The following RALYL variants were observed in gnomAD, a reference collection of about 807,000 sequenced individuals.
RALYL encodes the protein RALY RNA binding protein like, also known as RNA-binding Raly-like protein.
In RALYL, 29 loss-of-function variants were observed where a neutral mutation model predicts 35.1. That is an observed-to-expected ratio of 0.83 (90% confidence interval 0.61 to 1.13). The LOEUF (loss-of-function observed/expected upper bound fraction) is 1.13. Among genes scored for constraint, RALYL ranks in the 50% most tolerant of loss-of-function variants. RALYL has a pLI of 0.00. For missense variants in RALYL, 359 were observed against 360.4 expected (o/e 1.00, Z 0.03); for synonymous variants, 120 against 127.6 (o/e 0.94, Z 0.40).
intron 1 of RALYL, among the ~76,000 whole-genome samples, chr8:84,194,179 T>G (rs1252967027): frequency 1.3e-5 from 2 of 152,110 alleles, no homozygotes; most frequent in Non-Finnish European, 2.9e-5. Context: ...TTTTGAGAAG[T>G]TAAGATATTG....
intron 1 of RALYL, among the ~76,000 whole-genome samples, chr8:84,412,086 T>C (rs1432024245): frequency 1.3e-5 from 2 of 151,988 alleles, no homozygotes; most frequent in Admixed American, 6.6e-5. Context: ...AAATTCATTA[T>C]TTCAGCAAAT....
chr8:84,742,896 A>G (rs1288326622), intron 2 of RALYL, among the ~76,000 whole-genome samples: 2 of 151,970 alleles, frequency 1.3e-5, no homozygotes, highest in Non-Finnish European at 2.9e-5. Flanking sequence ...TCATAAGGGG[A>G]ACAATAGTTG....
chr8:84,825,887 G>T (rs1296454489), intron 4 of RALYL, among the ~76,000 whole-genome samples: 1 of 151,934 alleles, frequency 6.6e-6, no homozygotes, highest in African/African-American at 2.4e-5. Flanking sequence ...ATATAGCAAA[G>T]ACATAGCATC....
At chr8:84,813,982 G>A (rs1312709966) in intron 4 of RALYL, among the ~76,000 whole-genome samples, 1 of 146,118 alleles carries the variant, frequency 6.8e-6, no homozygotes, top group Admixed American at 7.3e-5. Context: ...TCCCACCTAT[G>A]AGTGAGAACA....
At chr8:84,502,512 T>C (rs939772330) in intron 1 of RALYL, among the ~76,000 whole-genome samples, 1 of 151,940 alleles carries the variant, frequency 6.6e-6, no homozygotes, top group Non-Finnish European at 1.5e-5. Context: ...CCAATAATAA[T>C]TAAATGCTTG....
At chr8:84,678,882 GA>G (rs1834774560) in intron 2 of RALYL, 2 of 194,064 alleles carry the variant, frequency 1.0e-5, no homozygotes, top group Non-Finnish European at 2.2e-5. Context: ...GAATGAAGAG[GA>G]TACTGCCTTG....
chr8:84,915,266 G>A (rs1017001403), intron 8 of RALYL, among the ~76,000 whole-genome samples: 6 of 151,922 alleles, frequency 3.9e-5, no homozygotes, highest in Non-Finnish European at 8.8e-5. Context: ...GGAATTAAGG[G>A]AGCCTTAGCT....
chr8:84,906,959 C>A, intron 8 of RALYL: 2 of 985,212 alleles, frequency 2.0e-6, no homozygotes, highest in Non-Finnish European at 2.4e-6. Context: ...TCACAAGCTC[C>A]GGGGTTGCCT....
chr8:84,668,239 A>G (rs1475945479), intron 2 of RALYL, among the ~76,000 whole-genome samples: 3 of 152,130 alleles, frequency 2.0e-5, no homozygotes, highest in East Asian at 3.9e-4. Flanking sequence ...ACCTTATTTC[A>G]CGTTGTCCTT....
At chr8:84,409,546 A>C (rs1341486099) in intron 1 of RALYL, among the ~76,000 whole-genome samples, 1 of 152,074 alleles carries the variant, frequency 6.6e-6, no homozygotes, top group African/African-American at 2.4e-5. Flanking sequence ...ATATAATTGC[A>C]CTTTATAGAC....
intron 1 of RALYL, among the ~76,000 whole-genome samples, chr8:84,311,148 T>C (rs1260028399): frequency 7.0e-6 from 1 of 142,960 alleles, no homozygotes; most frequent in East Asian, 2.1e-4. Flanking sequence ...TTATTATGTA[T>C]AATCAACTGT....
chr8:84,802,303 T>A (rs1411087444), intron 3 of RALYL, among the ~76,000 whole-genome samples: 2 of 152,206 alleles, frequency 1.3e-5, no homozygotes, highest in Non-Finnish European at 2.9e-5. Context: ...ATTCTTAGCT[T>A]GGGGCTATAC....
At chr8:84,271,344 C>T (rs1275344390) in intron 1 of RALYL, among the ~76,000 whole-genome samples, 1 of 151,370 alleles carries the variant, frequency 6.6e-6, no homozygotes, top group Non-Finnish European at 1.5e-5. Context: ...CAATGAGTTA[C>T]AACTACAAAC....
chr8:84,538,090 A>G (rs1265522048), intron 2 of RALYL, among the ~76,000 whole-genome samples: 1 of 152,232 alleles, frequency 6.6e-6, no homozygotes, highest in Admixed American at 6.5e-5. Context: ...AATGCTAATT[A>G]GCAAGCCTCC....
intron 2 of RALYL, among the ~76,000 whole-genome samples, chr8:84,557,005 A>G (rs2061169157): frequency 6.6e-6 from 1 of 152,222 alleles, no homozygotes; most frequent in African/African-American, 2.4e-5. Flanking sequence ...CTTTTCAAGC[A>G]TTTAGGAGAT....
intron 2 of RALYL, among the ~76,000 whole-genome samples, chr8:84,664,464 G>A (rs1831570729): frequency 6.6e-6 from 1 of 151,914 alleles, no homozygotes. Flanking sequence ...CTATCCATGA[G>A]CATGGAATGT....
intron 2 of RALYL, among the ~76,000 whole-genome samples, chr8:84,579,691 A>G (rs932989298): frequency 6.6e-6 from 1 of 152,252 alleles, no homozygotes; most frequent in Admixed American, 6.5e-5. Flanking sequence ...TATATAAATC[A>G]TTGGATAAAC....
chr8:84,770,956 A>G (rs1319607596), intron 2 of RALYL, among the ~76,000 whole-genome samples: 1 of 151,808 alleles, frequency 6.6e-6, no homozygotes, highest in African/African-American at 2.4e-5. Context: ...TAGTCCTTTG[A>G]CAGATGTATA....
At chr8:84,817,313 C>A (rs1358250624) in intron 4 of RALYL, among the ~76,000 whole-genome samples, 1 of 152,064 alleles carries the variant, frequency 6.6e-6, no homozygotes, top group Non-Finnish European at 1.5e-5. Context: ...TAAAGACTCA[C>A]ACTATTTTAC....
Sources: gnomAD v4.1 joint callset for allele counts (sites outside exome capture counted in the v4.1 genomes callset) on GRCh38, gnomAD v4.1.1 for gene constraint, MANE v1.5 for transcripts, NCBI Gene and HGNC (gene_info 2026-07-23, HGNC 2026-07-21) for gene names.